The following SNX19 variants were observed in gnomAD, a reference collection of about 807,000 sequenced individuals.
The protein encoded by SNX19 is sorting nexin 19, also known as sorting nexin-19.
In SNX19, 60 loss-of-function variants were observed where a neutral mutation model predicts 85.2. That is an observed-to-expected ratio of 0.70 (90% CI 0.57 to 0.87). The LOEUF is 0.87. Among genes scored for constraint, SNX19 ranks in the 40% least tolerant of loss-of-function variants. The pLI, the probability that SNX19 is intolerant of heterozygous loss-of-function variation, is 0.00. For missense variants in SNX19, 1,201 were observed against 1,217.8 expected, an observed-to-expected ratio of 0.99 and a Z score of 0.21; for synonymous variants, 520 against 470.0, an observed-to-expected ratio of 1.11 and a Z score of -1.38.
chr11:130,901,716 A>G (rs1945269032), intron 8 of SNX19: 2 of 152,226 alleles, frequency 1.3e-5, no homozygotes, highest in Admixed American at 1.3e-4. Flanking sequence ...CTTTTCAAAC[A>G]AAGCGTTACC....
intron 8 of SNX19, among the ~76,000 whole-genome samples, chr11:130,889,436 T>C (rs1375530637): frequency 6.6e-6 from 1 of 152,152 alleles, no homozygotes; most frequent in African/African-American, 2.4e-5. Flanking sequence ...AGAAATCTTA[T>C]GTAATTCATT....
chr11:130,911,875 A>G, intron 1 of SNX19, 104 bp from the exon 2 acceptor site: 1 of 1,092,266 alleles, frequency 9.2e-7, no homozygotes, highest in Non-Finnish European at 1.4e-6. Flanking sequence ...AAGAGTACGA[A>G]ACTAAGAACA....
intron 8 of SNX19, among the ~76,000 whole-genome samples, chr11:130,901,114 TGTAGCTGCAGGATGTTTAGCAGCATCC>T (rs1368570488): frequency 1.3e-5 from 2 of 152,186 alleles, no homozygotes; most frequent in Non-Finnish European, 2.9e-5. Flanking sequence ...GACTGTCCTG[TGTAGCTGCAGGATGTTTAGCAGCATCC>T]TTGGCCTACA....
intron 5 of SNX19, among the ~76,000 whole-genome samples, chr11:130,907,445 G>A (rs549581749): frequency 1.3e-5 from 2 of 152,236 alleles, no homozygotes; most frequent in East Asian, 3.9e-4. Flanking sequence ...TTTGAATGCT[G>A]CCAGGGAACA....
At position 130,914,588 on chromosome 11, in the gene SNX19, G is replaced by A. The variant is rs747351526; in HGVS notation, c.1352C>T (p.Thr451Ile). 6.2e-7 allele frequency: 1 copy of A among 1,613,994 alleles called. No individual in the cohort carries two copies. The highest frequency in any genetic ancestry group is 1.1e-5 in the South Asian group (1 of 91,082). The change falls in exon 1 of 11, where the codon ACA becomes ATA. Residue 451 changes from threonine (T) to isoleucine (I), a missense_variant. Thr to Ile is a moderately conservative substitution (Grantham distance 89). Around this residue, in one of 3 missense-constraint regions of SNX19, gnomAD observed 791 missense variants for 750.9 expected, o/e 1.05. Transcript: ENST00000265909. The part of the protein sequence containing the change: ...LNSCPEIHID[T>I]ADKEIEQGDV... ...TCCTTGTTCTATCTCCTTGTCTGCT[G>A]TGTCAATATGGATCTCTGGGCAGGA...
intron 4 of SNX19, 173 bp from the exon 5 acceptor site, chr11:130,908,256 T>C (rs1945828765): frequency 1.9e-6 from 1 of 537,506 alleles, no homozygotes; most frequent in Non-Finnish European, 3.0e-6. Flanking sequence ...TAGTGCCAAC[T>C]ATCTTTCCTT....
rs188674214 is a variant in SNX19 at position 130,900,441 on chromosome 11, G to A, written c.2573+2814C>T. Among the ~76,000 whole-genome samples, 4 of 152,190 alleles carry A rather than the reference G, an allele frequency of 2.6e-5. No homozygotes were observed. In the East Asian group the frequency reaches 7.7e-4, roughly 29 times the overall value. On this transcript the variant is annotated intron_variant, in intron 8 of 10. Coordinates refer to ENST00000265909, the MANE Select transcript of SNX19 (RefSeq NM_014758.3). ...CTGCCACGCAGCTGGAGCTTGCTTC[G>A]CTCGTATTTAACTTTTCTGCCTTAG...
At chr11:130,899,925 A>C (rs1053820992) in intron 8 of SNX19, among the ~76,000 whole-genome samples, 1 of 152,202 alleles carries the variant, frequency 6.6e-6, no homozygotes, top group Non-Finnish European at 1.5e-5. Flanking sequence ...AAAAAACAAA[A>C]AGTCAGAATG....
intron 8 of SNX19, chr11:130,895,264 G>A: frequency 2.0e-6 from 2 of 984,730 alleles, no homozygotes; most frequent in Non-Finnish European, 2.4e-6. Context: ...CCAATTAACT[G>A]AAGATCTGGG....
rs771161028 is a variant in SNX19, at chr11:130,915,932, G to A, written c.8C>T (p.Thr3Ile). 13 of 1,613,534 alleles carry A rather than the reference G, an allele frequency of 8.1e-6. No homozygotes were observed. The South Asian group carries it at 1.1e-4, about 14-fold the overall frequency. The change falls in exon 1 of 11, where the codon ACA (threonine) becomes ATA (isoleucine). Residue 3 changes from threonine (T) to isoleucine (I), a missense_variant. Thr to Ile is a moderately conservative substitution (Grantham distance 89). Transcript: ENST00000265909. ...TTCCTGGAACGGTGGCACTGTTTCT[G>A]TCTTCATGGCTGAACGGACAAGGTG... The part of the protein sequence containing the change: MK[T>I]ETVPPFQETP...
At chr11:130,898,673 A>G (rs73583870) in intron 8 of SNX19, among the ~76,000 whole-genome samples, 7,596 of 152,250 alleles carry the variant, frequency 0.05, 611 homozygotes, top group African/African-American at 0.17. Flanking sequence ...TTTCCAGCAT[A>G]TTGGCTTACC....
rs374167325 is a variant in SNX19, at chr11:130,879,692, A to G, written c.2778T>C (p.Leu926=). Residue 926 remains leucine (L), a synonymous_variant, in exon 10 of 11, where the codon CTT becomes CTC. Transcript: ENST00000265909. ...AGCTCAGCCGGCATTTGTTCACCCC[A>G]AGAATTTCTACTACGAGATCTGAGG... ...GVLPDLVVEI[L]GVNKCRLSWG... 2.5e-6 allele frequency: 4 copies of G among 1,613,774 alleles called. No individual in the cohort carries two copies. Among genetic ancestry groups the G allele is most frequent in the African/African-American group, 1.3e-5 (1 of 74,886 alleles).
rs533559206 is a variant in SNX19, at chr11:130,880,402, G to A, written c.2758+220C>T. Among the ~76,000 whole-genome samples the A allele has an allele frequency of 2.0e-5, 3 of 152,298 alleles. No homozygotes were observed. The South Asian group carries it at 6.2e-4, about 32-fold the overall frequency. ...ACCTAGTATTTAGGGTGCAGCTGTA[G>A]AGTTCCTTTCCATTCCCTTGGCATC... On this transcript the variant is annotated intron_variant, in intron 9 of 10. Coordinates refer to ENST00000265909, the MANE Select transcript of SNX19 (RefSeq NM_014758.3).
At chr11:130,903,642 T>C (rs1041259658) in intron 7 of SNX19, among the ~76,000 whole-genome samples, 13 of 151,630 alleles carry the variant, frequency 8.6e-5, no homozygotes, top group African/African-American at 2.9e-4. Context: ...TTAAAAGATA[T>C]ATATCTTCTA....
At chr11:130,894,428 T>C (rs1944725189) in intron 8 of SNX19, among the ~76,000 whole-genome samples, 1 of 152,212 alleles carries the variant, frequency 6.6e-6, no homozygotes, top group Non-Finnish European at 1.5e-5. Flanking sequence ...ACAGGGCTTA[T>C]CTAAAAGTCA....
chr11:130,901,474 G>A (rs1012926678), intron 8 of SNX19, among the ~76,000 whole-genome samples: 2 of 152,040 alleles, frequency 1.3e-5, no homozygotes, highest in African/African-American at 4.8e-5. Flanking sequence ...GGAAAAGTTA[G>A]GAACACATGG....
chr11:130,910,389 ATC>A lies in SNX19; in HGVS notation c.1814-21_1814-20del. 4 of 1,533,246 alleles carry A rather than the reference ATC, an allele frequency of 2.6e-6. No homozygotes were observed. The highest frequency in any genetic ancestry group is 3.6e-6 in the Non-Finnish European group (4 of 1,124,350). 95.0% of individuals were successfully genotyped at this position (1,533,246 alleles called of 1,614,324 possible). ...TTCACATCTTCCAAAAAAAAAAAAAATCAAAATATTCACTCATTTAACATTCA... is the reference window on the plus strand; with the variant it reads ...TTCACATCTTCCAAAAAAAAAAAAAAAAAATATTCACTCATTTAACATTCA... On this transcript the variant is annotated intron_variant, in intron 2 of 10. Coordinates refer to ENST00000265909, the MANE Select transcript of SNX19 (RefSeq NM_014758.3).
chr11:130,907,833 C>T, intron 5 of SNX19, 120 bp downstream of exon 5: 1 of 1,457,032 alleles, frequency 6.9e-7, no homozygotes, highest in Non-Finnish European at 9.3e-7. Context: ...TGCCTAAAAA[C>T]TGGTATGTCT....
intron 4 of SNX19, among the ~76,000 whole-genome samples, chr11:130,909,135 C>T (rs1250885280): frequency 6.6e-6 from 1 of 152,198 alleles, no homozygotes; most frequent in African/African-American, 2.4e-5. Flanking sequence ...CTGTCTCATT[C>T]ACTGATGTAT....
Sources: allele counts gnomAD v4.1 joint callset (sites outside exome capture counted in the v4.1 genomes callset), GRCh38; gene constraint gnomAD v4.1.1; regional missense constraint gnomAD v4.1.1; transcripts MANE v1.5; gene names NCBI Gene and HGNC (gene_info 2026-07-23, HGNC 2026-07-21).